The following PALLD variants were observed in gnomAD, a reference collection of about 807,000 sequenced individuals.
PALLD encodes the protein palladin.
PALLD carries 61 observed loss-of-function variants against 123.5 expected under a neutral mutation model. The ratio of observed to expected loss-of-function variants is 0.49; its 90% CI spans 0.40 to 0.61. PALLD has a LOEUF of 0.61. PALLD is among the 20% of genes least tolerant of loss of function. The pLI is 0.00. For missense variants in PALLD, 1,273 were observed against 1,377.0 expected, an observed-to-expected ratio of 0.92 and a Z score of 1.20; for synonymous variants, 465 against 496.4, an observed-to-expected ratio of 0.94 and a Z score of 0.84.
intron 10 of PALLD, among the ~76,000 whole-genome samples, chr4:168,737,872 A>G (rs1458661960): frequency 6.6e-6 from 1 of 152,212 alleles, no homozygotes. Context: ...GATTGCTGAG[A>G]TGCTGTGGCA....
chr4:168,623,788 C>T (rs1009474530), intron 2 of PALLD, among the ~76,000 whole-genome samples: 2 of 152,110 alleles, frequency 1.3e-5, no homozygotes, highest in Non-Finnish European at 2.9e-5. Context: ...AATAGTGAAA[C>T]TCAAAATGAG....
At chr4:168,555,962 T>C (rs539911070) in intron 2 of PALLD, among the ~76,000 whole-genome samples, 3 of 152,338 alleles carry the variant, frequency 2.0e-5, no homozygotes, top group Admixed American at 6.5e-5. Context: ...AATCTTCATT[T>C]CCTCATTTGT....
Position 168,511,650 on chromosome 4 carries a change from C to A in PALLD, c.146C>A (p.Ala49Asp). ...AAGAGTCTTGACCTGGCCCGGAGAG[C>A]CATAGCCGACTCCGAAACAGAAGAT... The part of the protein sequence containing the change: ...INKSLDLARR[A>D]IADSETEDFD... Residue 49 changes from alanine to aspartate, a missense_variant, in exon 2 of 22, where the codon GCC becomes GAC. By Grantham distance (126) the Ala-to-Asp change is moderately radical. Around this residue, in one of 2 missense-constraint regions of PALLD, gnomAD observed 944 missense variants for 954.5 expected, o/e 0.99. Coordinates refer to ENST00000505667, the MANE Select transcript of PALLD (RefSeq NM_001166108.2). 6.2e-7 allele frequency: 1 copy of A among 1,614,154 alleles called. No individual in the cohort carries two copies. Among genetic ancestry groups the A allele is most frequent in the South Asian group, 1.1e-5 (1 of 91,086 alleles).
chr4:168,759,200 A>ATTT (rs1732418504), intron 10 of PALLD, among the ~76,000 whole-genome samples: 1 of 27,984 alleles, frequency 3.6e-5, no homozygotes, highest in Non-Finnish European at 6.9e-5. Context: ...AAAAAAAAAA[A>ATTT]AAATATATAT....
chr4:168,629,840 T>C (rs1221895066), intron 2 of PALLD, among the ~76,000 whole-genome samples: 1 of 152,222 alleles, frequency 6.6e-6, no homozygotes, highest in Admixed American at 6.5e-5. Flanking sequence ...GCAGCCTCCT[T>C]GTGTGGAAGA....
intron 10 of PALLD, among the ~76,000 whole-genome samples, chr4:168,757,138 G>A (rs1362142528): frequency 6.6e-6 from 1 of 152,164 alleles, no homozygotes; most frequent in African/African-American, 2.4e-5. Flanking sequence ...AGAATGAAAG[G>A]TAGGAAAGTA....
At chr4:168,839,289 C>T (rs1463254958) in intron 10 of PALLD, among the ~76,000 whole-genome samples, 3 of 152,118 alleles carry the variant, frequency 2.0e-5, no homozygotes, top group Non-Finnish European at 4.4e-5. Flanking sequence ...GTAGTATTCT[C>T]TTGGGACCAC....
intron 1 of PALLD, among the ~76,000 whole-genome samples, chr4:168,498,238 AC>A (rs1346041065): frequency 2.6e-5 from 4 of 152,234 alleles, no homozygotes; most frequent in Non-Finnish European, 5.9e-5. Flanking sequence ...ACATGATTAC[AC>A]ATTCCTAGAA....
intron 10 of PALLD, among the ~76,000 whole-genome samples, chr4:168,843,709 T>G (rs1391456693): frequency 1.3e-5 from 2 of 152,104 alleles, no homozygotes; most frequent in Non-Finnish European, 2.9e-5. Context: ...AAATGGAGAC[T>G]AATTGAATGC....
chr4:168,606,235 G>T (rs541215822), intron 2 of PALLD, among the ~76,000 whole-genome samples: 1 of 152,246 alleles, frequency 6.6e-6, no homozygotes, highest in East Asian at 1.9e-4. Context: ...TGTTGTTGTT[G>T]TTGTTACTTT....
intron 17 of PALLD, among the ~76,000 whole-genome samples, chr4:168,920,379 T>C (rs1294097276): frequency 1.3e-5 from 2 of 152,214 alleles, no homozygotes; most frequent in Non-Finnish European, 2.9e-5. Context: ...ATCAGTTGAG[T>C]ATCACGTAGC....
At chr4:168,795,927 G>A (rs2150644817) in intron 10 of PALLD, among the ~76,000 whole-genome samples, 1 of 152,024 alleles carries the variant, frequency 6.6e-6, no homozygotes, top group South Asian at 2.1e-4. Context: ...CATAGTAGGT[G>A]TATATATTTA....
At chr4:168,770,605 T>C (rs1015165483) in intron 10 of PALLD, among the ~76,000 whole-genome samples, 3 of 152,240 alleles carry the variant, frequency 2.0e-5, no homozygotes, top group Admixed American at 6.5e-5. Flanking sequence ...TCTTTTTCCA[T>C]TGAAGATGGA....
At chr4:168,498,356 G>A (rs1174495022) in intron 1 of PALLD, among the ~76,000 whole-genome samples, 2 of 152,128 alleles carry the variant, frequency 1.3e-5, no homozygotes, top group African/African-American at 4.8e-5. Context: ...TGCTAGAGCT[G>A]AATATTAAAA....
chr4:168,665,491 AG>A (rs996559399), intron 2 of PALLD, among the ~76,000 whole-genome samples: 8 of 152,272 alleles, frequency 5.3e-5, no homozygotes, highest in African/African-American at 1.9e-4. Context: ...TGAACCCGGG[AG>A]GCGGAGCTTG....
intron 10 of PALLD, among the ~76,000 whole-genome samples, chr4:168,790,384 A>C (rs539988271): frequency 1.4e-5 from 2 of 147,864 alleles, no homozygotes; most frequent in Admixed American, 1.4e-4. Flanking sequence ...CTGGTTTCAA[A>C]CTCCTGACCT....
chr4:168,715,329 T>C (rs13152764), intron 10 of PALLD, among the ~76,000 whole-genome samples: 81,395 of 151,756 alleles, frequency 0.54, 22,151 homozygotes, highest in East Asian at 0.66. Flanking sequence ...CCAGATGACC[T>C]GCACACAGGA....
In PALLD at chr4:168,534,278, A is replaced by G. The variant is rs192683672; in HGVS notation, c.908+21866A>G. ...CAGAGGTGAGACCAAAGCCACCAGGAGCAAGACCAGAGCCAGAGACCAGAC... is the reference window on the plus strand; with the variant it reads ...CAGAGGTGAGACCAAAGCCACCAGGGGCAAGACCAGAGCCAGAGACCAGAC... On this transcript the variant is annotated intron_variant, in intron 2 of 21. Coordinates refer to ENST00000505667, the MANE Select transcript of PALLD (RefSeq NM_001166108.2). 7.9e-5 allele frequency among the ~76,000 whole-genome samples: 12 copies of G among 152,356 alleles called. No homozygotes were observed. In the East Asian group the frequency reaches 2.1e-3, roughly 27 times the overall value.
chr4:168,645,578 C>T (rs1777367683), intron 2 of PALLD, among the ~76,000 whole-genome samples: 1 of 152,168 alleles, frequency 6.6e-6, no homozygotes, highest in South Asian at 2.1e-4. Context: ...CCTCAGTTTC[C>T]TCTTTCTTTA....
Sources: gnomAD v4.1 joint callset for allele counts (sites outside exome capture counted in the v4.1 genomes callset) on GRCh38, gnomAD v4.1.1 for gene constraint, gnomAD v4.1.1 regional missense constraint, MANE v1.5 for transcripts, NCBI Gene and HGNC (gene_info 2026-07-23, HGNC 2026-07-21) for gene names.